The following L3MBTL3 variants were observed in gnomAD, a reference collection of about 807,000 sequenced individuals.
L3MBTL3 encodes the protein L3MBTL histone methyl-lysine binding protein 3.
A neutral mutation model predicts 102.3 loss-of-function variants in L3MBTL3; 27 were observed. The ratio of observed to expected loss-of-function variants is 0.26; its 90% CI spans 0.19 to 0.36. The LOEUF (loss-of-function observed/expected upper bound fraction) is 0.36. Among genes scored for constraint, L3MBTL3 ranks in the 10% least tolerant of loss-of-function variants. The pLI is 1.00. For synonymous variants in L3MBTL3, 340 were observed against 320.9 expected (o/e 1.06, Z -0.64); for missense variants, 798 against 955.3 (o/e 0.84, Z 2.17).
At chr6:130,118,368 TAAG>T (rs1197755921) in intron 19 of L3MBTL3, among the ~76,000 whole-genome samples, 1 of 152,224 alleles carries the variant, frequency 6.6e-6, no homozygotes, top group East Asian at 1.9e-4. Context: ...ACTGTGTTCT[TAAG>T]AAGTGAACTT....
intron 14 of L3MBTL3, among the ~76,000 whole-genome samples, chr6:130,081,260 G>A (rs1157296959): frequency 2.0e-5 from 3 of 152,114 alleles, no homozygotes; most frequent in African/African-American, 7.2e-5. Flanking sequence ...GTGTTTCCAG[G>A]AAAGCATTTT....
chr6:130,052,762 G>T (rs947158145), intron 6 of L3MBTL3, 97 bp from the exon 7 acceptor site: 4 of 1,427,784 alleles, frequency 2.8e-6, no homozygotes, highest in Non-Finnish European at 3.7e-6. Context: ...CCTTTGCAGG[G>T]TGATTTTTTT....
chr6:130,033,452 A>C (rs920643840), intron 2 of L3MBTL3, among the ~76,000 whole-genome samples: 1 of 152,216 alleles, frequency 6.6e-6, no homozygotes, highest in African/African-American at 2.4e-5. Flanking sequence ...TGGATTCTAC[A>C]GTGGAGGTTG....
At chr6:130,080,470 C>A (rs982392739) in intron 14 of L3MBTL3, among the ~76,000 whole-genome samples, 1 of 152,052 alleles carries the variant, frequency 6.6e-6, no homozygotes, top group Non-Finnish European at 1.5e-5. Context: ...TGTTATCAGC[C>A]CTTCTTTCCG....
At chr6:130,075,762 A>T (rs796495569) in intron 13 of L3MBTL3, among the ~76,000 whole-genome samples, 1 of 152,090 alleles carries the variant, frequency 6.6e-6, no homozygotes, top group East Asian at 1.9e-4. Flanking sequence ...TTCTGAAACT[A>T]TGGGTAATAC....
chr6:130,032,467 T>C (rs9402211), intron 2 of L3MBTL3, among the ~76,000 whole-genome samples: 87,200 of 151,774 alleles, frequency 0.57, 28,348 homozygotes, highest in East Asian at 0.74. Flanking sequence ...AATAAGCAAG[T>C]CACTGCCTAA....
At chr6:130,028,307 T>C (rs1226091609) in intron 2 of L3MBTL3, among the ~76,000 whole-genome samples, 1 of 152,172 alleles carries the variant, frequency 6.6e-6, no homozygotes, top group African/African-American at 2.4e-5. Flanking sequence ...ATAAATAGGA[T>C]CATTCACATT....
intron 10 of L3MBTL3, among the ~76,000 whole-genome samples, chr6:130,065,940 G>A (rs1004879176): frequency 2.6e-5 from 4 of 152,246 alleles, no homozygotes; most frequent in Middle Eastern, 3.4e-3. Flanking sequence ...TGCACCAGCT[G>A]TGGTCTGCAG....
At chr6:130,046,042 G>C (rs936204425) in intron 3 of L3MBTL3, among the ~76,000 whole-genome samples, 8 of 152,322 alleles carry the variant, frequency 5.3e-5, no homozygotes, top group East Asian at 3.9e-4. Context: ...GTGACTAAGT[G>C]GCAGTGCAGA....
At chr6:130,053,467 T>C (rs1452600182) in intron 7 of L3MBTL3, among the ~76,000 whole-genome samples, 1 of 151,888 alleles carries the variant, frequency 6.6e-6, no homozygotes, top group East Asian at 1.9e-4. Context: ...AACCCCTTCC[T>C]TACTAAAAAT....
At chr6:130,090,284 C>T (rs542954432) in intron 16 of L3MBTL3, among the ~76,000 whole-genome samples, 2 of 152,120 alleles carry the variant, frequency 1.3e-5, no homozygotes, top group Non-Finnish European at 2.9e-5. Context: ...TGATGATGGG[C>T]ACTGTGGTAA....
intron 19 of L3MBTL3, among the ~76,000 whole-genome samples, chr6:130,109,201 T>G (rs772494304): frequency 6.6e-6 from 1 of 152,224 alleles, no homozygotes; most frequent in Non-Finnish European, 1.5e-5. Context: ...GCATGATTTA[T>G]AATACTTTGG....
At chr6:130,131,793 G>C (rs1381159291) in intron 20 of L3MBTL3, among the ~76,000 whole-genome samples, 1 of 152,194 alleles carries the variant, frequency 6.6e-6, no homozygotes, top group Non-Finnish European at 1.5e-5. Context: ...CTGTCCTGGC[G>C]CTGGTGAGAG....
chr6:130,028,457 A>T (rs1779497207), intron 2 of L3MBTL3, among the ~76,000 whole-genome samples: 1 of 152,198 alleles, frequency 6.6e-6, no homozygotes, highest in Non-Finnish European at 1.5e-5. Context: ...GATGGATGAG[A>T]ACAGAAGACC....
chr6:130,044,239 T>G (rs1042515864), intron 3 of L3MBTL3, among the ~76,000 whole-genome samples: 3 of 152,198 alleles, frequency 2.0e-5, no homozygotes, highest in African/African-American at 7.2e-5. Context: ...AGAATCTATG[T>G]GATAAGGTGG....
In L3MBTL3 at chr6:130,057,435, T is replaced by G; in HGVS notation, c.697T>G (p.Cys233Gly). The G allele has an allele frequency of 6.2e-7, 1 of 1,610,984 alleles. No homozygotes were observed. The highest frequency in any genetic ancestry group is 8.5e-7 in the Non-Finnish European group (1 of 1,179,142). ...GLPPKGKKAW[C>G]WASYLEEEKA... ...GCCTCCTAAAGGAAAGAAAGCGTGG[T>G]GCTGGGCATCCTACCTGGAAGAGGA... Residue 233 changes from cysteine (C) to glycine (G), a missense_variant, in exon 9 of 23, where the codon TGC becomes GGC. Transcript: ENST00000361794.
intron 2 of L3MBTL3, among the ~76,000 whole-genome samples, chr6:130,037,837 C>T (rs1014649517): frequency 1.3e-5 from 2 of 152,090 alleles, no homozygotes; most frequent in Non-Finnish European, 2.9e-5. Context: ...TTATTTTTAA[C>T]TATATTCACC....
At chr6:130,101,316 AGTT>A (rs1426552127) in intron 18 of L3MBTL3, among the ~76,000 whole-genome samples, 1 of 152,142 alleles carries the variant, frequency 6.6e-6, no homozygotes, top group Non-Finnish European at 1.5e-5. Context: ...AAGGTGATAA[AGTT>A]GTTTTTAAAC....
At chr6:130,028,822 AC>A (rs1272317062) in intron 2 of L3MBTL3, among the ~76,000 whole-genome samples, 2 of 152,250 alleles carry the variant, frequency 1.3e-5, no homozygotes, top group East Asian at 3.8e-4. Context: ...TGTGTTCTCC[AC>A]TGACACTTAT....
Sources: gnomAD v4.1 joint callset for allele counts (sites outside exome capture counted in the v4.1 genomes callset) on GRCh38, gnomAD v4.1.1 for gene constraint, MANE v1.5 for transcripts, NCBI Gene and HGNC (gene_info 2026-07-23, HGNC 2026-07-21) for gene names.